PDIA3: variants seen among roughly 807,000 people sequenced by gnomAD.
PDIA3 encodes the protein protein disulfide-isomerase A3.
In PDIA3, 16 loss-of-function variants were observed where a neutral mutation model predicts 56.9. The observed-to-expected ratio is 0.28, with a 90% CI of 0.19 to 0.43. The LOEUF is 0.43. PDIA3 is among the 20% of genes least tolerant of loss of function. The pLI is 1.00. For missense variants in PDIA3, 485 were observed against 621.3 expected, an observed-to-expected ratio of 0.78 and a Z score of 2.33; for synonymous variants, 192 against 216.5, an observed-to-expected ratio of 0.89 and a Z score of 0.99.
In PDIA3 at chr15:43,746,534, G is replaced by A. The variant is rs767580048; in HGVS notation, c.-6G>A. ...CTTCCGGCCGTCCCCACCCCACCTC[G>A]CCGCCATGCGCCTCCGCCGCCTAGC... On this transcript the variant is annotated 5_prime_UTR_variant, in exon 1 of 13. Coordinates refer to ENST00000300289, the MANE Select transcript of PDIA3 (RefSeq NM_005313.5). 1.3e-6 allele frequency: 2 copies of A among 1,591,310 alleles called. No homozygotes were observed. The highest frequency in any genetic ancestry group is 2.3e-5 in the East Asian group (1 of 43,966).
intron 1 of PDIA3, chr15:43,751,595 C>G (rs28718261): frequency 0.11 from 146,681 of 1,302,996 alleles, 10,311 homozygotes; most frequent in African/African-American, 0.3. Context: ...TCCATTCCTG[C>G]TGGATTTGAA....
At chr15:43,762,283 G>A (rs1394649120) in intron 4 of PDIA3, among the ~76,000 whole-genome samples, 2 of 152,078 alleles carry the variant, frequency 1.3e-5, no homozygotes, top group Non-Finnish European at 2.9e-5. Flanking sequence ...AGGCTGAAGC[G>A]GGCGGATCAC....
At chr15:43,751,824 A>ACAC in intron 1 of PDIA3, 5 of 1,145,288 alleles carry the variant, frequency 4.4e-6, no homozygotes, top group Non-Finnish European at 5.8e-6. Context: ...TCTAGAGTTG[A>ACAC]CACCTACTGG....
chr15:43,755,291 GT>G (rs1764280136), intron 2 of PDIA3, among the ~76,000 whole-genome samples: 1 of 152,044 alleles, frequency 6.6e-6, no homozygotes, highest in Admixed American at 6.6e-5. Flanking sequence ...TCATGGCACT[GT>G]ACTCCAGCCT....
chr15:43,766,295 G>T (rs1019423309), intron 7 of PDIA3, among the ~76,000 whole-genome samples: 2 of 152,080 alleles, frequency 1.3e-5, no homozygotes, highest in Non-Finnish European at 2.9e-5. Context: ...CAATCTGTTG[G>T]GCATGTATTT....
intron 1 of PDIA3, among the ~76,000 whole-genome samples, chr15:43,753,304 C>G (rs1414879071): frequency 2.6e-5 from 4 of 152,162 alleles, no homozygotes; most frequent in African/African-American, 7.2e-5. Context: ...TCTTGAACTC[C>G]TGACCTCGAG....
chr15:43,746,942 C>T (rs1420122243), intron 1 of PDIA3: 1 of 570,860 alleles, frequency 1.8e-6, no homozygotes. Flanking sequence ...TCATCCTTAT[C>T]TCGGTGCTCT....
chr15:43,769,673 A>C (rs769100801), intron 10 of PDIA3, 27 bp downstream of exon 10: 3 of 1,610,560 alleles, frequency 1.9e-6, no homozygotes, highest in Non-Finnish European at 2.5e-6. Flanking sequence ...TTCTGAGGAT[A>C]ACATTTGAGC....
At position 43,771,585 on chromosome 15, in the gene PDIA3, A is replaced by G. The variant is rs1365416608; in HGVS notation, c.*367A>G. 3 of 438,280 alleles carry G rather than the reference A, an allele frequency of 6.8e-6. No homozygotes were observed. The highest frequency in any genetic ancestry group is 8.0e-6 in the Non-Finnish European group (2 of 250,594). The allele number at this position is 438,280 out of a possible 1,614,324, so 27.1% of individuals were successfully genotyped here. ...ATTGAGAACCAGATGTTCTCTACAC[A>G]CTATCACTGTTCAATAGAGCTTTCT... is the stretch of plus-strand genomic sequence containing the variant. On this transcript the variant is annotated 3_prime_UTR_variant, in exon 13 of 13. Transcript: ENST00000300289.
chr15:43,765,412 C>T (rs1446136862), intron 5 of PDIA3, 38 bp from the exon 6 acceptor site: 2 of 1,116,996 alleles, frequency 1.8e-6, no homozygotes, highest in South Asian at 1.3e-5. Context: ...AGTTCTTCTG[C>T]TATCTGCCTA....
chr15:43,759,242 A>T lies in PDIA3; in HGVS notation c.365-2182A>T, dbSNP rs185372126. ...GAGGCGGAGCTTGCAGTAAGCGGAG[A>T]TAGCACCACTGCAGTCTGGCCTGGG... On this transcript the variant is annotated intron_variant, in intron 3 of 12. Transcript: ENST00000300289. Among the ~76,000 whole-genome samples, 28 of 152,244 alleles carry T rather than the reference A, an allele frequency of 1.8e-4. No individual in the cohort carries two copies. In the East Asian group the frequency reaches 4.8e-3, roughly 26 times the overall value.
chr15:43,766,485 A>G (rs2086848312), intron 7 of PDIA3, among the ~76,000 whole-genome samples: 1 of 152,250 alleles, frequency 6.6e-6, no homozygotes, highest in Admixed American at 6.5e-5. Context: ...TATATATTAC[A>G]GCAAGATTTA....
chr15:43,758,891 C>A (rs531351489), intron 3 of PDIA3, among the ~76,000 whole-genome samples: 1 of 151,694 alleles, frequency 6.6e-6, no homozygotes, highest in Non-Finnish European at 1.5e-5. Context: ...GCAGGAGACT[C>A]GCTTGAACCT....
At chr15:43,754,125 A>T (rs2086761746) in intron 2 of PDIA3, among the ~76,000 whole-genome samples, 1 of 152,160 alleles carries the variant, frequency 6.6e-6, no homozygotes, top group African/African-American at 2.4e-5. Context: ...GCTGGGCGCA[A>T]TGGCTCATGC....
chr15:43,756,618 A>G, intron 2 of PDIA3, 31 bp from the exon 3 acceptor site: 1 of 1,253,490 alleles, frequency 8.0e-7, no homozygotes, highest in Non-Finnish European at 1.2e-6. Flanking sequence ...AAACTTGGAT[A>G]AGAAAATAGT....
chr15:43,771,198 A>G lies in PDIA3; in HGVS notation c.1498A>G (p.Lys500Glu), dbSNP rs765648474. ...IQEEKPKKKK[K>E]AQEDL is the part of the protein sequence containing the mutation. ...AGAAGAAAAACCCAAGAAGAAGAAG[A>G]AGGCACAGGAGGATCTCTAAAGCAG... The change falls in exon 13 of 13, where the codon AAG becomes GAG. Residue 500 changes from lysine (K) to glutamate (E), a missense_variant. Transcript: ENST00000300289. 74 of 1,608,264 alleles carry G rather than the reference A, an allele frequency of 4.6e-5. No individual in the cohort carries two copies. Among genetic ancestry groups the G allele is most frequent in the Admixed American group, 8.3e-5 (5 of 59,936 alleles).
intron 2 of PDIA3, among the ~76,000 whole-genome samples, chr15:43,754,683 C>T (rs1287229324): frequency 1.3e-5 from 2 of 150,716 alleles, no homozygotes; most frequent in Non-Finnish European, 2.9e-5. Context: ...TAGACTCCAG[C>T]CTAGGTGACA....
chr15:43,747,243 T>C (rs1319884348), intron 1 of PDIA3: 2 of 154,346 alleles, frequency 1.3e-5, no homozygotes, highest in African/African-American at 4.8e-5. Flanking sequence ...GTCCGTCACA[T>C]GGTGTACAGT....
In PDIA3 at chr15:43,771,851, T is replaced by C. The variant is rs901310900; in HGVS notation, c.*633T>C. 4.5e-5 allele frequency: 17 copies of C among 379,790 alleles called. No individual in the cohort carries two copies. Among genetic ancestry groups the C allele is most frequent in the Non-Finnish European group, 6.5e-5 (14 of 214,734 alleles). The allele number at this position is 379,790 out of a possible 1,614,324, so 23.5% of individuals were successfully genotyped here. On this transcript the variant is annotated 3_prime_UTR_variant, in exon 13 of 13. Transcript: ENST00000300289. ...TATTTCCCAGGCCTACCCTGGTGAT[T>C]AGAACAGCTGAAGGGCCTTTCTTGT...
Sources: gnomAD v4.1 joint callset for allele counts (sites outside exome capture counted in the v4.1 genomes callset) on GRCh38, gnomAD v4.1.1 for gene constraint, MANE v1.5 for transcripts, NCBI Gene and HGNC (gene_info 2026-07-23, HGNC 2026-07-21) for gene names.